Variants in NUP188 observed in about 807,000 individuals in gnomAD.
The protein encoded by NUP188 is nucleoporin 188.
In NUP188, 97 loss-of-function variants were observed where a neutral mutation model predicts 223.0. The ratio of observed to expected loss-of-function variants is 0.43; its 90% CI spans 0.37 to 0.51. NUP188 has a LOEUF of 0.51. Ranked by LOEUF, NUP188 falls within the 20% of genes least tolerant of loss-of-function variation. NUP188 has a pLI of 0.00. For synonymous variants in NUP188, 869 were observed against 828.0 expected (o/e 1.05, Z -0.85); for missense variants, 1,947 against 2,175.6 (o/e 0.89, Z 2.09).
intron 4 of NUP188, 52 bp from the exon 5 acceptor site, chr9:128,956,900 A>T: frequency 8.0e-7 from 1 of 1,252,512 alleles, no homozygotes; most frequent in South Asian, 1.3e-5. Flanking sequence ...AATTCTCTGC[A>T]TCCTGTGTGC....
intron 41 of NUP188, 125 bp downstream of exon 41, chr9:129,005,901 C>A: frequency 7.1e-7 from 1 of 1,415,658 alleles, no homozygotes; most frequent in Non-Finnish European, 9.7e-7. Context: ...TCTCTGTAAA[C>A]TGAACATGAC....
chr9:128,957,118 C>A (rs1226959521), intron 5 of NUP188, 86 bp downstream of exon 5: 3 of 895,894 alleles, frequency 3.3e-6, no homozygotes, highest in Non-Finnish European at 5.3e-6. Context: ...GGCACCAATT[C>A]TTTTATCGGT....
At chr9:128,966,084 C>T (rs190858201) in intron 8 of NUP188, among the ~76,000 whole-genome samples, 127 of 151,856 alleles carry the variant, frequency 8.4e-4, no homozygotes, top group African/African-American at 2.8e-3. Context: ...CGTGAACCAC[C>T]GCGCCCGGAC....
At chr9:128,952,041 C>T (rs1422126081) in intron 2 of NUP188, among the ~76,000 whole-genome samples, 1 of 152,132 alleles carries the variant, frequency 6.6e-6, no homozygotes, top group Non-Finnish European at 1.5e-5. Context: ...GATCCGCCCG[C>T]TTCGGCCTCC....
At chr9:128,967,523 G>T (rs1842046927) in intron 8 of NUP188, among the ~76,000 whole-genome samples, 1 of 152,132 alleles carries the variant, frequency 6.6e-6, no homozygotes, top group African/African-American at 2.4e-5. Context: ...GGGCGCGGTG[G>T]CTCACGCCTG....
chr9:128,947,731 C>T lies in NUP188; in HGVS notation c.12C>T (p.Ala4=). Residue 4 remains alanine (A), a synonymous_variant, in exon 1 of 44, where the codon GCC becomes GCT. Coordinates refer to ENST00000372577, the MANE Select transcript of NUP188 (RefSeq NM_015354.3). ...GCGGGCGCGCGAAGATGGCGGCGGC[C>T]GCCGGCGGGCCGTGTGTGAGGTGCG... MAA[A]AGGPCVRSSR... 7.5e-6 allele frequency: 11 copies of T among 1,469,262 alleles called. No homozygotes were observed. Among genetic ancestry groups the T allele is most frequent in the South Asian group, 4.0e-5 (3 of 75,740 alleles). The allele number at this position is 1,469,262 out of a possible 1,614,324, so 91.0% of individuals were successfully genotyped here.
intron 8 of NUP188, among the ~76,000 whole-genome samples, chr9:128,961,594 A>ATC (rs1564551959): frequency 7.2e-6 from 1 of 138,726 alleles, no homozygotes; most frequent in African/African-American, 3.2e-5. Context: ...ATCTATCTAG[A>ATC]TAGATAGATA....
intron 12 of NUP188, among the ~76,000 whole-genome samples, chr9:128,974,389 G>GTTTTT (rs778841218): frequency 9.7e-5 from 11 of 113,344 alleles, no homozygotes; most frequent in African/African-American, 2.8e-4. Flanking sequence ...GCAGGTTGTT[G>GTTTTT]TTTTTTTTTT....
In NUP188 at chr9:128,957,010, G is replaced by A; in HGVS notation, c.305G>A (p.Arg102Lys). The change falls in exon 5 of 44, where the codon AGG becomes AAG. Residue 102 changes from arginine to lysine, a missense_variant. Physicochemically the swap from Arg to Lys is conservative, Grantham distance 26 (BLOSUM62 2). This residue lies in a region of NUP188 where 817 missense variants were observed against 865.8 expected (regional missense o/e 0.94). Coordinates refer to ENST00000372577, the MANE Select transcript of NUP188 (RefSeq NM_015354.3). ...LLQCYLQEDY[R>K]GTRDSVKTVL... ...CAGTGTTACCTGCAAGAGGACTACA[G>A]GGGTACTCGGGACTCAGTAAAGGTT... 6.2e-7 allele frequency: 1 copy of A among 1,611,916 alleles called. No individual in the cohort carries two copies. Among genetic ancestry groups the A allele is most frequent in the Non-Finnish European group, 8.5e-7 (1 of 1,178,504 alleles).
intron 10 of NUP188, among the ~76,000 whole-genome samples, chr9:128,970,488 G>A (rs1391098208): frequency 6.6e-6 from 1 of 152,164 alleles, no homozygotes; most frequent in Non-Finnish European, 1.5e-5. Context: ...GAAGGATCAG[G>A]ATAAAATTTC....
intron 12 of NUP188, among the ~76,000 whole-genome samples, chr9:128,977,096 T>C (rs1842186756): frequency 6.6e-6 from 1 of 150,656 alleles, no homozygotes; most frequent in Non-Finnish European, 1.5e-5. Context: ...AAAACAGAGT[T>C]GCAGGAGTCC....
chr9:128,977,117 A>ATTT (rs745918158), intron 12 of NUP188, among the ~76,000 whole-genome samples: 4 of 125,006 alleles, frequency 3.2e-5, no homozygotes, highest in South Asian at 2.7e-4. Context: ...TGGTACTTGG[A>ATTT]TTTTTTTTTT....
chr9:128,990,344 CT>C, intron 25 of NUP188, 118 bp downstream of exon 25: 1 of 807,668 alleles, frequency 1.2e-6, no homozygotes, highest in Non-Finnish European at 2.1e-6. Context: ...AATTCCAGCA[CT>C]TTGGGAGGCC....
At position 128,958,998 on chromosome 9, in the gene NUP188, C is replaced by G; in HGVS notation, c.466-17C>G. 1 of 1,511,764 alleles carries G rather than the reference C, an allele frequency of 6.6e-7. No homozygotes were observed. 93.6% of individuals were successfully genotyped at this position (1,511,764 alleles called of 1,614,324 possible). A position where few individuals can be genotyped will look rare whatever the true frequency, so the allele number is the denominator to read the frequency against. On this transcript the variant is annotated splice_polypyrimidine_tract_variant and intron_variant, in intron 7 of 43. Transcript: ENST00000372577. ...CCTTTTATTCTAGGTATAATTTACTCTTTTGATTTTTTAAAGGTTGAATAT... is the reference window on the plus strand; with the variant it reads ...CCTTTTATTCTAGGTATAATTTACTGTTTTGATTTTTTAAAGGTTGAATAT...
Position 129,006,039 on chromosome 9 carries a change from C to T in NUP188, c.4870-11C>T. 6.2e-7 allele frequency: 1 copy of T among 1,614,142 alleles called. No individual in the cohort carries two copies. Among genetic ancestry groups the T allele is most frequent in the Non-Finnish European group, 8.5e-7 (1 of 1,179,978 alleles). On this transcript the variant is annotated splice_polypyrimidine_tract_variant and intron_variant, in intron 41 of 43. Coordinates refer to ENST00000372577, the MANE Select transcript of NUP188 (RefSeq NM_015354.3). ...CTGTTGTCTTAGTTTTTTACCCTTG[C>T]TTCTCTTCAGCTGGACAAGAAAAAG...
In NUP188 at chr9:128,999,683, G is replaced by T; in HGVS notation, c.3721G>T (p.Glu1241Ter). 1 of 1,614,128 alleles carries T rather than the reference G, an allele frequency of 6.2e-7. No individual in the cohort carries two copies. The highest frequency in any genetic ancestry group is 8.5e-7 in the Non-Finnish European group (1 of 1,180,030). ...VLNVCETLQEEVIALFDQTRH... is the reference protein window; with the variant it reads ...VLNVCETLQE ...GAATGTCTGTGAGACCCTCCAAGAG[G>T]AAGTGATTGCACTCTTCGACCAGAC... Residue 1241 changes from glutamate to a stop codon, truncating the protein, a stop_gained, in exon 34 of 44, where the codon GAA becomes TAA. Coordinates refer to ENST00000372577, the MANE Select transcript of NUP188 (RefSeq NM_015354.3). LOFTEE classifies it high-confidence loss of function.
At position 128,951,282 on chromosome 9, in the gene NUP188, G is replaced by C. The variant is rs1841781081; in HGVS notation, c.88-1491G>C. 2.0e-5 allele frequency among the ~76,000 whole-genome samples: 3 copies of C among 149,104 alleles called. No homozygotes were observed. The Admixed American group carries it at 2.0e-4, about 10-fold the overall frequency. The stretch of plus-strand genomic sequence containing the variant: ...AGATCGCGCAACTGTACTCCAGCCT[G>C]GGTGACAAAGCGAGACTCCATCTCA... On this transcript the variant is annotated intron_variant, in intron 2 of 43. Transcript: ENST00000372577.
At chr9:128,964,302 C>A in intron 8 of NUP188, 1 of 382,080 alleles carries the variant, frequency 2.6e-6, no homozygotes, top group Non-Finnish European at 5.1e-6. Context: ...AAGCTATTTA[C>A]CAGATAGATG....
chr9:128,950,224 CG>C (rs1564547982), intron 2 of NUP188, among the ~76,000 whole-genome samples: 1 of 150,640 alleles, frequency 6.6e-6, no homozygotes, highest in East Asian at 2.0e-4. Flanking sequence ...CACCCGGCTA[CG>C]TTTTTTTGTT....
Sources: allele counts gnomAD v4.1 joint callset (sites outside exome capture counted in the v4.1 genomes callset), GRCh38; gene constraint gnomAD v4.1.1; regional missense constraint gnomAD v4.1.1; transcripts MANE v1.5; gene names NCBI Gene and HGNC (gene_info 2026-07-23, HGNC 2026-07-21).